TEAD1: variants seen among roughly 807,000 people sequenced by gnomAD.
TEAD1 encodes the protein TEA domain transcription factor 1, also known as transcriptional enhancer factor TEF-1.
TEAD1 carries 9 observed loss-of-function variants against 54.9 expected under a neutral mutation model. That is an observed-to-expected ratio of 0.16 (90% CI 0.10 to 0.29). The LOEUF (loss-of-function observed/expected upper bound fraction) is 0.29. Ranked by LOEUF, TEAD1 falls within the 10% of genes least tolerant of loss-of-function variation. TEAD1 has a pLI of 1.00. For synonymous variants in TEAD1, 200 were observed against 187.8 expected, an observed-to-expected ratio of 1.07 and a Z score of -0.53; for missense variants, 387 against 535.9, an observed-to-expected ratio of 0.72 and a Z score of 2.74.
At position 12,938,761 on chromosome 11, in the gene TEAD1, G is replaced by C. The variant is rs777237601; in HGVS notation, c.*1539G>C. On this transcript the variant is annotated 3_prime_UTR_variant, in exon 13 of 13. Coordinates refer to ENST00000527636, the MANE Select transcript of TEAD1 (RefSeq NM_021961.6). Reference sequence around the variant, plus strand: ...GGTTTGATGTGGCCAGATGTTTTGAGTTATTTCCCTTAAGTGTTTCACTGG... The same window carrying C: ...GGTTTGATGTGGCCAGATGTTTTGACTTATTTCCCTTAAGTGTTTCACTGG... The C allele has an allele frequency of 6.6e-6, 1 of 152,258 alleles. No individual in the cohort carries two copies. Among genetic ancestry groups the C allele is most frequent in the African/African-American group, 2.4e-5 (1 of 41,468 alleles). 9.4% of individuals were successfully genotyped at this position (152,258 alleles called of 1,614,324 possible).
intron 3 of TEAD1, among the ~76,000 whole-genome samples, chr11:12,837,397 C>A (rs1407561008): frequency 6.6e-6 from 1 of 152,178 alleles, no homozygotes; most frequent in African/African-American, 2.4e-5. Flanking sequence ...GGCTACTGTT[C>A]TCAATGAGAT....
intron 3 of TEAD1, among the ~76,000 whole-genome samples, chr11:12,842,783 A>T (rs1947067000): frequency 6.6e-6 from 1 of 152,188 alleles, no homozygotes; most frequent in Non-Finnish European, 1.5e-5. Context: ...AGGAAGAAGG[A>T]ATACAAAAAT....
At chr11:12,862,170 A>G in intron 3 of TEAD1, 80 bp from the exon 4 acceptor site, 1 of 1,121,204 alleles carries the variant, frequency 8.9e-7, no homozygotes, top group Non-Finnish European at 1.3e-6. Flanking sequence ...TTGATTCTGA[A>G]TTTTGTTTTT....
At chr11:12,747,844 C>T (rs1944779634) in intron 2 of TEAD1, among the ~76,000 whole-genome samples, 2 of 152,172 alleles carry the variant, frequency 1.3e-5, no homozygotes, top group Non-Finnish European at 2.9e-5. Flanking sequence ...AATGTAGGCA[C>T]AGGTAGTAAG....
intron 2 of TEAD1, among the ~76,000 whole-genome samples, chr11:12,683,176 A>G (rs1476366009): frequency 6.6e-6 from 1 of 152,242 alleles, no homozygotes; most frequent in Admixed American, 6.5e-5. Flanking sequence ...GATAGAGAGT[A>G]AAAAGTTTCA....
chr11:12,825,279 GA>G (rs2134009067), intron 3 of TEAD1, among the ~76,000 whole-genome samples: 1 of 152,240 alleles, frequency 6.6e-6, no homozygotes, highest in East Asian at 1.9e-4. Flanking sequence ...AAGAAAGAAA[GA>G]AAACTCTCTT....
intron 9 of TEAD1, among the ~76,000 whole-genome samples, chr11:12,898,128 A>G (rs16911732): frequency 0.14 from 21,584 of 152,088 alleles, 1,759 homozygotes; most frequent in South Asian, 0.23. Context: ...CAGTGGACAC[A>G]AGGTCTCTTC....
rs762263690 is a variant in TEAD1 at position 12,879,704 on chromosome 11, C to G, written c.331-4C>G. The G allele has an allele frequency of 3.7e-6, 6 of 1,614,196 alleles. No homozygotes were observed. The South Asian group carries it at 6.6e-5, about 18-fold the overall frequency. ...TAAGTTGGTGTGTCACTGTCACCTTCAAGGATCAGACTGCAAAGGATAAGG... is the reference window on the plus strand; with the variant it reads ...TAAGTTGGTGTGTCACTGTCACCTTGAAGGATCAGACTGCAAAGGATAAGG... On this transcript the variant is annotated splice_polypyrimidine_tract_variant and splice_region_variant and intron_variant, in intron 5 of 12. Coordinates refer to ENST00000527636, the MANE Select transcript of TEAD1 (RefSeq NM_021961.6).
At chr11:12,737,380 A>G (rs562718858) in intron 2 of TEAD1, among the ~76,000 whole-genome samples, 4 of 151,962 alleles carry the variant, frequency 2.6e-5, no homozygotes, top group South Asian at 2.1e-4. Context: ...TTTACCTGTG[A>G]TATTTCTTGG....
intron 3 of TEAD1, among the ~76,000 whole-genome samples, chr11:12,806,100 T>G (rs780306567): frequency 2.6e-5 from 4 of 152,208 alleles, no homozygotes; most frequent in Non-Finnish European, 4.4e-5. Flanking sequence ...TGTTGAAATA[T>G]TTAAAGGAAA....
intron 4 of TEAD1, among the ~76,000 whole-genome samples, chr11:12,863,892 GGTGATACCTCTCCAAT>G (rs1947557518): frequency 6.6e-6 from 1 of 152,094 alleles, no homozygotes; most frequent in Non-Finnish European, 1.5e-5. Context: ...GGCAGCAGTT[GGTGATACCTCTCCAAT>G]GTGAATTTGT....
chr11:12,748,560 A>G (rs1462608711), intron 2 of TEAD1, among the ~76,000 whole-genome samples: 1 of 152,140 alleles, frequency 6.6e-6, no homozygotes, highest in Admixed American at 6.5e-5. Flanking sequence ...TGAAAGTCCT[A>G]TTTGCATTTT....
At chr11:12,722,793 A>G (rs1165217391) in intron 2 of TEAD1, among the ~76,000 whole-genome samples, 15 of 152,118 alleles carry the variant, frequency 9.9e-5, no homozygotes, top group Admixed American at 9.8e-4. Context: ...GTATGCAGGC[A>G]TGTTTCTCTG....
intron 9 of TEAD1, among the ~76,000 whole-genome samples, chr11:12,885,669 A>G (rs1225620489): frequency 6.6e-6 from 1 of 152,194 alleles, no homozygotes; most frequent in Admixed American, 6.5e-5. Flanking sequence ...CCTGGTTAAA[A>G]TACTATGGAA....
chr11:12,762,843 G>A (rs1476353026), intron 2 of TEAD1, among the ~76,000 whole-genome samples: 1 of 152,158 alleles, frequency 6.6e-6, no homozygotes, highest in Non-Finnish European at 1.5e-5. Context: ...TTGCTGTCAG[G>A]TAACGGCCCT....
chr11:12,868,116 A>G (rs1234292540), intron 5 of TEAD1, among the ~76,000 whole-genome samples: 1 of 152,210 alleles, frequency 6.6e-6, no homozygotes, highest in Non-Finnish European at 1.5e-5. Context: ...AATGGAGGCC[A>G]CTGCCAGATG....
intron 2 of TEAD1, among the ~76,000 whole-genome samples, chr11:12,717,026 C>T (rs988776915): frequency 6.6e-6 from 1 of 152,204 alleles, no homozygotes; most frequent in Non-Finnish European, 1.5e-5. Context: ...TGGGTACCAA[C>T]TCACATACCA....
intron 10 of TEAD1, among the ~76,000 whole-genome samples, chr11:12,905,671 C>A (rs1948506022): frequency 6.6e-6 from 1 of 152,178 alleles, no homozygotes; most frequent in South Asian, 2.1e-4. Flanking sequence ...TTCGAAATAT[C>A]TTTTAGCAAT....
At chr11:12,677,863 C>G (rs996747965) in intron 2 of TEAD1, among the ~76,000 whole-genome samples, 6 of 151,842 alleles carry the variant, frequency 4.0e-5, no homozygotes, top group African/African-American at 1.4e-4. Flanking sequence ...TGTGGGATTA[C>G]TTTTCTCTCT....
Sources: allele counts gnomAD v4.1 joint callset (sites outside exome capture counted in the v4.1 genomes callset), GRCh38; gene constraint gnomAD v4.1.1; transcripts MANE v1.5; gene names NCBI Gene and HGNC (gene_info 2026-07-23, HGNC 2026-07-21).